PDGFRL: variants seen among roughly 807,000 people sequenced by gnomAD.
The protein encoded by PDGFRL is platelet derived growth factor receptor like.
A neutral mutation model predicts 37.2 loss-of-function variants in PDGFRL; 46 were observed. That is an observed-to-expected ratio of 1.24 (90% confidence interval 0.98 to 1.58). PDGFRL has a LOEUF of 1.58. PDGFRL is among the 40% of genes most tolerant of loss of function. PDGFRL has a pLI of 0.00. For synonymous variants in PDGFRL, 251 were observed against 184.3 expected (o/e 1.36, Z -2.93); for missense variants, 692 against 467.6 (o/e 1.48, Z -4.43).
At chr8:17,588,937 G>C (rs1185876272) in intron 1 of PDGFRL, among the ~76,000 whole-genome samples, 1 of 152,056 alleles carries the variant, frequency 6.6e-6, no homozygotes, top group African/African-American at 2.4e-5. Flanking sequence ...GAACTGTTTT[G>C]CTGAATTTGA....
chr8:17,633,674 C>A (rs905068345), intron 4 of PDGFRL, among the ~76,000 whole-genome samples: 2 of 152,190 alleles, frequency 1.3e-5, no homozygotes, highest in Admixed American at 6.5e-5. Flanking sequence ...TCGTCTTCTG[C>A]GGATGGTCAG....
chr8:17,633,583 CATG>C (rs1414932120), intron 4 of PDGFRL, among the ~76,000 whole-genome samples: 1 of 152,198 alleles, frequency 6.6e-6, no homozygotes, highest in Non-Finnish European at 1.5e-5. Flanking sequence ...GTTTCTGAAA[CATG>C]ATGAGGCAAA....
intron 2 of PDGFRL, among the ~76,000 whole-genome samples, chr8:17,597,427 G>A (rs1350186360): frequency 2.0e-5 from 3 of 152,214 alleles, no homozygotes; most frequent in African/African-American, 4.8e-5. Flanking sequence ...ATTGTGAAAT[G>A]TTCTTGACAC....
intron 2 of PDGFRL, among the ~76,000 whole-genome samples, chr8:17,619,028 A>G (rs773018517): frequency 2.0e-5 from 3 of 152,194 alleles, no homozygotes; most frequent in Non-Finnish European, 4.4e-5. Context: ...AAAACAAGCT[A>G]TTCCGCAGTG....
At chr8:17,601,159 C>G (rs911857324) in intron 2 of PDGFRL, among the ~76,000 whole-genome samples, 1 of 152,236 alleles carries the variant, frequency 6.6e-6, no homozygotes, top group Non-Finnish European at 1.5e-5. Flanking sequence ...ATGCTACTAT[C>G]TAAGCATTTC....
chr8:17,590,335 A>C (rs968816392), intron 2 of PDGFRL, among the ~76,000 whole-genome samples: 2 of 151,670 alleles, frequency 1.3e-5, no homozygotes, highest in African/African-American at 2.4e-5. Flanking sequence ...ACAATTTTCT[A>C]TGAAAATGTA....
chr8:17,583,713 G>A (rs1226703033), intron 1 of PDGFRL, among the ~76,000 whole-genome samples: 2 of 152,140 alleles, frequency 1.3e-5, no homozygotes, highest in African/African-American at 4.8e-5. Flanking sequence ...CCTCCTGGAG[G>A]TAATAGAACT....
intron 2 of PDGFRL, among the ~76,000 whole-genome samples, chr8:17,599,262 A>G (rs1393110624): frequency 3.9e-5 from 6 of 152,008 alleles, no homozygotes; most frequent in Admixed American, 3.9e-4. Context: ...ACTGCACCAT[A>G]TTTGCATATT....
intron 3 of PDGFRL, among the ~76,000 whole-genome samples, chr8:17,625,985 A>T (rs1433373497): frequency 1.3e-5 from 2 of 152,214 alleles, no homozygotes; most frequent in Non-Finnish European, 2.9e-5. Context: ...ACAGCGTGAG[A>T]CCCTGTCTCA....
chr8:17,617,002 A>T (rs528214668), intron 2 of PDGFRL, among the ~76,000 whole-genome samples: 4 of 152,244 alleles, frequency 2.6e-5, no homozygotes, highest in African/African-American at 9.6e-5. Flanking sequence ...GTGCCATCTC[A>T]TGACTTAGGC....
At chr8:17,629,605 C>G (rs1385287853) in intron 4 of PDGFRL, among the ~76,000 whole-genome samples, 1 of 152,178 alleles carries the variant, frequency 6.6e-6, no homozygotes, top group Non-Finnish European at 1.5e-5. Context: ...CACTCCCATG[C>G]ATTCATCGAA....
intron 2 of PDGFRL, among the ~76,000 whole-genome samples, chr8:17,606,999 A>G (rs1174268274): frequency 1.4e-5 from 2 of 147,944 alleles, no homozygotes; most frequent in Non-Finnish European, 3.0e-5. Flanking sequence ...AGGTTCAAGC[A>G]ATTCTCCTGC....
chr8:17,604,521 T>G (rs7829703), intron 2 of PDGFRL, among the ~76,000 whole-genome samples: 15,700 of 151,252 alleles, frequency 0.1, 833 homozygotes, highest in Non-Finnish European at 0.13. Flanking sequence ...CACTCATAGG[T>G]AGGAATTGAA....
chr8:17,612,217 ACCTCCAGG>A (rs1223641864), intron 2 of PDGFRL, among the ~76,000 whole-genome samples: 14 of 152,178 alleles, frequency 9.2e-5, no homozygotes, highest in Non-Finnish European at 2.1e-4. Flanking sequence ...TGTAAAACTA[ACCTCCAGG>A]TATTTAAATA....
At chr8:17,592,019 A>G (rs563973906) in intron 2 of PDGFRL, among the ~76,000 whole-genome samples, 9 of 152,154 alleles carry the variant, frequency 5.9e-5, no homozygotes, top group Non-Finnish European at 1.2e-4. Flanking sequence ...GCAGAAATTC[A>G]TCTCCCTCAA....
intron 2 of PDGFRL, among the ~76,000 whole-genome samples, chr8:17,604,729 G>C (rs554130184): frequency 6.6e-6 from 1 of 152,150 alleles, no homozygotes; most frequent in East Asian, 1.9e-4. Flanking sequence ...AAAACTTAAA[G>C]TATAATAATA....
At chr8:17,611,331 A>C (rs1407565558) in intron 2 of PDGFRL, among the ~76,000 whole-genome samples, 1 of 152,206 alleles carries the variant, frequency 6.6e-6, no homozygotes, top group Middle Eastern at 3.2e-3. Context: ...ACTTTCACTC[A>C]CTGAATTCTC....
chr8:17,598,192 G>A (rs1452613933), intron 2 of PDGFRL, among the ~76,000 whole-genome samples: 2 of 152,210 alleles, frequency 1.3e-5, no homozygotes, highest in Non-Finnish European at 2.9e-5. Context: ...AGAAGCCAGA[G>A]GCTGAGGCAC....
At chr8:17,626,211 T>A (rs564777451) in intron 3 of PDGFRL, among the ~76,000 whole-genome samples, 1 of 152,182 alleles carries the variant, frequency 6.6e-6, no homozygotes, top group African/African-American at 2.4e-5. Flanking sequence ...AATGTGGACA[T>A]TGAAGCATGA....
Sources: gnomAD v4.1 joint callset for allele counts (sites outside exome capture counted in the v4.1 genomes callset) on GRCh38, gnomAD v4.1.1 for gene constraint, MANE v1.5 for transcripts, NCBI Gene and HGNC (gene_info 2026-07-23, HGNC 2026-07-21) for gene names.